EXOC6B: variants seen among roughly 807,000 people sequenced by gnomAD.
The protein encoded by EXOC6B is exocyst complex component 6B.
EXOC6B carries 54 observed loss-of-function variants against 113.5 expected under a neutral mutation model. The ratio of observed to expected loss-of-function variants is 0.48; its 90% CI spans 0.38 to 0.60. The LOEUF (loss-of-function observed/expected upper bound fraction) is 0.60. Ranked by LOEUF, EXOC6B falls within the 20% of genes least tolerant of loss-of-function variation. The probability of loss-of-function intolerance (pLI) is 0.00; values close to 1 mark genes in which losing one functional copy is unlikely to be tolerated. For synonymous variants in EXOC6B, 357 were observed against 339.0 expected (o/e 1.05, Z -0.58); for missense variants, 797 against 977.5 (o/e 0.82, Z 2.46).
chr2:72,283,491 A>G (rs1685253379), intron 20 of EXOC6B, among the ~76,000 whole-genome samples: 1 of 152,188 alleles, frequency 6.6e-6, no homozygotes, highest in Non-Finnish European at 1.5e-5. Context: ...CTTGAACTGT[A>G]GTTGAGGAAT....
intron 20 of EXOC6B, among the ~76,000 whole-genome samples, chr2:72,184,574 T>G (rs1348985807): frequency 1.3e-5 from 2 of 152,200 alleles, no homozygotes; most frequent in Admixed American, 6.5e-5. Flanking sequence ...TTCTCAGTAT[T>G]CAACAAAGAA....
At chr2:72,794,036 A>G (rs1473139887) in intron 1 of EXOC6B, among the ~76,000 whole-genome samples, 1 of 152,228 alleles carries the variant, frequency 6.6e-6, no homozygotes, top group African/African-American at 2.4e-5. Context: ...CATGAGAGAT[A>G]AATACAAATT....
chr2:72,255,668 C>A (rs995065857), intron 20 of EXOC6B, among the ~76,000 whole-genome samples: 67 of 152,140 alleles, frequency 4.4e-4, no homozygotes, highest in Non-Finnish European at 7.3e-5. Context: ...CATAGTTCCA[C>A]AGGTAGAGAA....
intron 18 of EXOC6B, among the ~76,000 whole-genome samples, chr2:72,436,147 T>C (rs1296217615): frequency 1.3e-5 from 2 of 152,228 alleles, no homozygotes; most frequent in South Asian, 2.1e-4. Flanking sequence ...TATTTCTCCT[T>C]CACTTAAGAA....
intron 1 of EXOC6B, among the ~76,000 whole-genome samples, chr2:72,749,428 A>G (rs1681902714): frequency 6.6e-6 from 1 of 152,072 alleles, no homozygotes; most frequent in African/African-American, 2.4e-5. Flanking sequence ...AAACTCTTCC[A>G]GATTCTTTAC....
At chr2:72,320,052 G>T (rs537843285) in intron 20 of EXOC6B, among the ~76,000 whole-genome samples, 189 of 151,894 alleles carry the variant, frequency 1.2e-3, no homozygotes, top group African/African-American at 3.8e-3. Flanking sequence ...GGCCAGGATG[G>T]TCTCGATCTC....
At chr2:72,331,854 G>T (rs1002917914) in intron 20 of EXOC6B, among the ~76,000 whole-genome samples, 1 of 152,048 alleles carries the variant, frequency 6.6e-6, no homozygotes, top group South Asian at 2.1e-4. Flanking sequence ...AGTGAGAATA[G>T]GACAAGTAAA....
At chr2:72,585,249 T>C (rs1705482916) in intron 6 of EXOC6B, among the ~76,000 whole-genome samples, 1 of 152,080 alleles carries the variant, frequency 6.6e-6, no homozygotes. Context: ...ATTAATAGAT[T>C]ATGAGCTAGA....
At chr2:72,735,391 A>C (rs1332657351) in intron 2 of EXOC6B, among the ~76,000 whole-genome samples, 1 of 152,212 alleles carries the variant, frequency 6.6e-6, no homozygotes, top group African/African-American at 2.4e-5. Flanking sequence ...CTTGTTTTCT[A>C]TTCAATTCGA....
chr2:72,781,991 T>C (rs575291942), intron 1 of EXOC6B, among the ~76,000 whole-genome samples: 1 of 151,744 alleles, frequency 6.6e-6, no homozygotes, highest in East Asian at 1.9e-4. Context: ...ATACAAAAAA[T>C]TAGCTGTGCA....
At position 72,326,056 on chromosome 2, in the gene EXOC6B, CA is replaced by C. The variant is rs1688108685; in HGVS notation, c.2196+8890del. Among the ~76,000 whole-genome samples the C allele has an allele frequency of 2.6e-5, 4 of 152,178 alleles. No individual in the cohort carries two copies. The South Asian group carries it at 8.3e-4, about 32-fold the overall frequency. ...CCCTCCACCGGCTACCAGTAGAATG[CA>C]GTAGTTAGAAATGGGTTCCAAGGCT... On this transcript the variant is annotated intron_variant, in intron 20 of 21. Transcript: ENST00000272427.
intron 6 of EXOC6B, among the ~76,000 whole-genome samples, chr2:72,619,843 G>A (rs759837899): frequency 2.0e-5 from 3 of 152,194 alleles, no homozygotes; most frequent in Admixed American, 2.0e-4. Flanking sequence ...TCTCCCCAGG[G>A]AGCAGGCAGA....
At chr2:72,512,948 A>G (rs1291665867) in intron 11 of EXOC6B, among the ~76,000 whole-genome samples, 184 bp downstream of exon 11, 2 of 152,124 alleles carry the variant, frequency 1.3e-5, no homozygotes, top group Non-Finnish European at 2.9e-5. Context: ...GGGCTTCTAT[A>G]AAAGTGAGCT....
At chr2:72,342,651 G>C (rs1689098034) in intron 19 of EXOC6B, among the ~76,000 whole-genome samples, 1 of 152,068 alleles carries the variant, frequency 6.6e-6, no homozygotes, top group Admixed American at 6.6e-5. Flanking sequence ...ATATTAAAAT[G>C]AGTCAGGTGT....
chr2:72,676,819 A>G (rs904119964), intron 6 of EXOC6B, among the ~76,000 whole-genome samples: 1 of 152,194 alleles, frequency 6.6e-6, no homozygotes, highest in African/African-American at 2.4e-5. Flanking sequence ...GATGTCAACT[A>G]TATTCCTGTG....
intron 11 of EXOC6B, among the ~76,000 whole-genome samples, chr2:72,508,426 G>T (rs1283197026): frequency 6.6e-6 from 1 of 151,968 alleles, no homozygotes; most frequent in Non-Finnish European, 1.5e-5. Context: ...ATAATAAGGG[G>T]ATAAATAGCA....
chr2:72,220,772 A>C (rs1680818154), intron 20 of EXOC6B, among the ~76,000 whole-genome samples: 1 of 152,182 alleles, frequency 6.6e-6, no homozygotes, highest in Non-Finnish European at 1.5e-5. Context: ...TACTAACCTC[A>C]AACATTGTAC....
At chr2:72,232,298 T>A (rs1013592913) in intron 20 of EXOC6B, among the ~76,000 whole-genome samples, 1 of 152,104 alleles carries the variant, frequency 6.6e-6, no homozygotes, top group African/African-American at 2.4e-5. Context: ...AAAGATTTTT[T>A]AAAAACTGAG....
At chr2:72,666,027 G>A (rs1381388533) in intron 6 of EXOC6B, among the ~76,000 whole-genome samples, 2 of 152,160 alleles carry the variant, frequency 1.3e-5, no homozygotes, top group African/African-American at 4.8e-5. Context: ...ATAAAAAAGA[G>A]CAGGGATTGC....
Sources: gnomAD v4.1 joint callset for allele counts (sites outside exome capture counted in the v4.1 genomes callset) on GRCh38, gnomAD v4.1.1 for gene constraint, MANE v1.5 for transcripts, NCBI Gene and HGNC (gene_info 2026-07-23, HGNC 2026-07-21) for gene names.